Variants in ACTN1 observed in about 807,000 individuals in gnomAD.
The protein encoded by ACTN1 is actinin alpha 1.
In ACTN1, 30 loss-of-function variants were observed where a neutral mutation model predicts 119.6. The observed-to-expected ratio is 0.25, with a 90% CI of 0.19 to 0.34. The LOEUF (loss-of-function observed/expected upper bound fraction) is 0.34. Among genes scored for constraint, ACTN1 ranks in the 10% least tolerant of loss-of-function variants. The pLI is 1.00. For missense variants in ACTN1, 764 were observed against 1,223.4 expected, an observed-to-expected ratio of 0.62 and a Z score of 5.60; for synonymous variants, 429 against 472.6, an observed-to-expected ratio of 0.91 and a Z score of 1.20.
At chr14:68,887,599 A>C (rs1453815986) in intron 11 of ACTN1, 2 of 1,404,692 alleles carry the variant, frequency 1.4e-6, no homozygotes, top group Non-Finnish European at 9.5e-7. Flanking sequence ...CAATCAGCAA[A>C]TGATTTCACC....
intron 1 of ACTN1, among the ~76,000 whole-genome samples, chr14:68,963,290 G>A (rs1202376112): frequency 1.3e-5 from 2 of 152,112 alleles, no homozygotes; most frequent in Non-Finnish European, 2.9e-5. Flanking sequence ...CAAGGAAATT[G>A]CCCGTCCCTG....
At chr14:68,973,427 C>G (rs1178907640) in intron 1 of ACTN1, among the ~76,000 whole-genome samples, 1 of 152,172 alleles carries the variant, frequency 6.6e-6, no homozygotes, top group Non-Finnish European at 1.5e-5. Context: ...TTTTCCCCAC[C>G]TTCGCTCTGC....
intron 1 of ACTN1, among the ~76,000 whole-genome samples, chr14:68,961,539 G>A (rs1211429942): frequency 3.9e-5 from 6 of 152,274 alleles, no homozygotes; most frequent in East Asian, 3.9e-4. Context: ...CTCACAGGCC[G>A]CCACACGGGG....
intron 11 of ACTN1, chr14:68,887,491 C>A: frequency 3.5e-6 from 4 of 1,150,024 alleles, no homozygotes; most frequent in South Asian, 2.6e-5. Context: ...TAAAAACTAA[C>A]CCCCCCATCT....
chr14:68,887,914 T>C, intron 11 of ACTN1: 1 of 893,482 alleles, frequency 1.1e-6, no homozygotes, highest in Non-Finnish European at 1.9e-6. Flanking sequence ...TTCCCTTTGC[T>C]CCCTTTTTCC....
chr14:68,970,471 G>C (rs1396767153), intron 1 of ACTN1, among the ~76,000 whole-genome samples: 2 of 152,172 alleles, frequency 1.3e-5, no homozygotes, highest in Non-Finnish European at 2.9e-5. Context: ...CCTGAGCCTC[G>C]GCTGCCTGGT....
At chr14:68,922,256 C>G (rs1479029012) in intron 2 of ACTN1, among the ~76,000 whole-genome samples, 3 of 152,242 alleles carry the variant, frequency 2.0e-5, no homozygotes, top group Non-Finnish European at 4.4e-5. Context: ...GGGCCAGGCC[C>G]ACCCTGTCAG....
At chr14:68,927,103 G>T (rs1158003341) in intron 1 of ACTN1, among the ~76,000 whole-genome samples, 1 of 152,176 alleles carries the variant, frequency 6.6e-6, no homozygotes, top group African/African-American at 2.4e-5. Context: ...AAGAGAAACG[G>T]CGTATTGTGC....
chr14:68,885,020 G>T lies in ACTN1; in HGVS notation c.1386-137C>A. On this transcript the variant is annotated intron_variant, in intron 12 of 21. Coordinates refer to ENST00000394419, the MANE Select transcript of ACTN1 (RefSeq NM_001130004.2). This position sits in a 1 kb window ranked among gnomAD's most constrained non-coding sequence, Gnocchi z 5.6. ...GCGCTCCCTTCAAGAGACCTTCCAG[G>T]CACTCCTTCCACCCCTCCCCTCTTT... 2.9e-6 allele frequency: 2 copies of T among 685,014 alleles called. No individual in the cohort carries two copies. Among genetic ancestry groups the T allele is most frequent in the Non-Finnish European group, 5.0e-6 (2 of 397,104 alleles). The allele number at this position is 685,014 out of a possible 1,614,324, so 42.4% of individuals were successfully genotyped here.
intron 1 of ACTN1, among the ~76,000 whole-genome samples, chr14:68,950,294 CAAAAAAAAAAAAA>C (rs60899029): frequency 8.2e-5 from 10 of 121,530 alleles, no homozygotes; most frequent in Non-Finnish European, 1.1e-4. Flanking sequence ...GTTGTTGTCT[CAAAAAAAAAAAAA>C]AAAAAAAAAA....
chr14:68,977,988 C>T (rs936353684), intron 1 of ACTN1: 5 of 456,022 alleles, frequency 1.1e-5, no homozygotes, highest in African/African-American at 2.0e-5. Context: ...GAGGCGCCCT[C>T]CCCCCACCAC....
intron 11 of ACTN1, chr14:68,887,287 CAG>C (rs2032098559): frequency 6.1e-6 from 2 of 325,874 alleles, no homozygotes; most frequent in Non-Finnish European, 1.2e-5. Context: ...ATTAGGAAAA[CAG>C]GACTACCACA....
chr14:68,950,395 A>C (rs1294907308), intron 1 of ACTN1, among the ~76,000 whole-genome samples: 1 of 149,894 alleles, frequency 6.7e-6, no homozygotes, highest in Admixed American at 6.6e-5. Flanking sequence ...CTGTACGTAC[A>C]CTTCAAAATG....
At chr14:68,924,941 C>T (rs78692423) in intron 2 of ACTN1, among the ~76,000 whole-genome samples, 1,900 of 152,256 alleles carry the variant, frequency 0.012, 34 homozygotes, top group African/African-American at 0.043. Context: ...TGGAGACGCC[C>T]AGCGAGGTTC....
intron 1 of ACTN1, among the ~76,000 whole-genome samples, chr14:68,937,419 A>C (rs1239900047): frequency 6.6e-6 from 1 of 152,186 alleles, no homozygotes; most frequent in Non-Finnish European, 1.5e-5. Context: ...AAAATGAAAA[A>C]ATTATCCCAT....
intron 3 of ACTN1, among the ~76,000 whole-genome samples, chr14:68,914,524 G>A (rs1566631549): frequency 6.6e-6 from 1 of 152,152 alleles, no homozygotes; most frequent in Non-Finnish European, 1.5e-5. Flanking sequence ...CTAGCACTTT[G>A]GGAGGCCAAG....
rs1338043689 is a variant in ACTN1 at position 68,950,287 on chromosome 14, G to A, written c.106-24615C>T. Among the ~76,000 whole-genome samples the A allele has an allele frequency of 4.5e-5, 4 of 88,194 alleles. No homozygotes were observed. The South Asian group carries it at 2.0e-3, about 44-fold the overall frequency. The allele number at this position is 88,194 out of a possible 152,430, so 57.9% of individuals were successfully genotyped here. ...CCCAGTCTGGGTGACAGAGTGAGTT[G>A]TTGTCTCAAAAAAAAAAAAAAAAAA... On this transcript the variant is annotated intron_variant, in intron 1 of 21. Coordinates refer to ENST00000394419, the MANE Select transcript of ACTN1 (RefSeq NM_001130004.2).
chr14:68,919,246 A>G (rs1240386533), intron 3 of ACTN1, among the ~76,000 whole-genome samples: 1 of 152,160 alleles, frequency 6.6e-6, no homozygotes, highest in Non-Finnish European at 1.5e-5. Flanking sequence ...TACATCCACA[A>G]GGTGCCCATC....
At chr14:68,884,404 G>T in intron 13 of ACTN1, 96 bp from the exon 14 acceptor site, 1 of 1,401,450 alleles carries the variant, frequency 7.1e-7, no homozygotes, top group East Asian at 2.3e-5. Flanking sequence ...AGGTCTAGAA[G>T]CACTGACTCA....
Sources: gnomAD v4.1 joint callset for allele counts (sites outside exome capture counted in the v4.1 genomes callset) on GRCh38, gnomAD v4.1.1 for gene constraint, Gnocchi (gnomAD v3.1) non-coding constraint, MANE v1.5 for transcripts, NCBI Gene and HGNC (gene_info 2026-07-23, HGNC 2026-07-21) for gene names.